The following D2HGDH variants were observed in gnomAD, a reference collection of about 807,000 sequenced individuals.
The protein encoded by D2HGDH is D-2-hydroxyglutarate dehydrogenase, mitochondrial.
In D2HGDH, 31 loss-of-function variants were observed where a neutral mutation model predicts 46.9. The ratio of observed to expected loss-of-function variants is 0.66; its 90% CI spans 0.50 to 0.89. The LOEUF (loss-of-function observed/expected upper bound fraction) is 0.89. Among genes scored for constraint, D2HGDH ranks in the 40% least tolerant of loss-of-function variants. D2HGDH has a pLI of 0.00. For synonymous variants in D2HGDH, 364 were observed against 332.6 expected, an observed-to-expected ratio of 1.09 and a Z score of -1.03; for missense variants, 698 against 720.8, an observed-to-expected ratio of 0.97 and a Z score of 0.36.
intron 9 of D2HGDH, among the ~76,000 whole-genome samples, chr2:241,759,365 T>C (rs1368592936): frequency 1.3e-5 from 2 of 152,202 alleles, no homozygotes; most frequent in Non-Finnish European, 2.9e-5. Context: ...ATGAGGTTCG[T>C]CTCTTTGTTT....
chr2:241,761,123 A>G (rs1559398419), intron 9 of D2HGDH, among the ~76,000 whole-genome samples: 3 of 152,330 alleles, frequency 2.0e-5, no homozygotes, highest in Admixed American at 2.0e-4. Flanking sequence ...ACATCTGCAG[A>G]TTCAACCATA....
rs1364091234 is a variant in D2HGDH at position 241,743,539 on chromosome 2, C to T, written c.491-83C>T. 3 of 1,500,606 alleles carry T rather than the reference C, an allele frequency of 2.0e-6. No individual in the cohort carries two copies. The highest frequency in any genetic ancestry group is 2.7e-6 in the Non-Finnish European group (3 of 1,105,618). The allele number at this position is 1,500,606 out of a possible 1,614,324, so 93.0% of individuals were successfully genotyped here. A position where few individuals can be genotyped will look rare whatever the true frequency, so the allele number is the denominator to read the frequency against. On this transcript the variant is annotated intron_variant, in intron 4 of 9. Coordinates refer to ENST00000321264, the MANE Select transcript of D2HGDH (RefSeq NM_152783.5). The surrounding 1 kb of genome is among the most constrained non-coding windows in gnomAD (Gnocchi z 4.8). ...CTGATGTTCCTTCTGGGTGGCTTGC[C>T]TGTGCAAGATGGGGGTTGGGACTCA...
At chr2:241,735,111 A>C in intron 1 of D2HGDH, 22 bp from the exon 2 acceptor site, 2 of 1,156,058 alleles carry the variant, frequency 1.7e-6, no homozygotes, top group Non-Finnish European at 2.3e-6. Context: ...TAAAACATGA[A>C]ATTACCCTTG....
intron 8 of D2HGDH, chr2:241,754,831 G>A (rs1320040912): frequency 2.8e-6 from 1 of 359,082 alleles, no homozygotes; most frequent in Non-Finnish European, 5.1e-6. Context: ...TGAAACTCCT[G>A]GGCTCAAGTG....
intron 8 of D2HGDH, chr2:241,755,413 T>C: frequency 7.7e-7 from 1 of 1,306,724 alleles, no homozygotes. Flanking sequence ...TCCAGGCCCA[T>C]TCTCATCCTC....
intron 1 of D2HGDH, 61 bp downstream of exon 1, chr2:241,734,756 G>C (rs1038920832): frequency 6.4e-6 from 1 of 155,574 alleles, no homozygotes; most frequent in African/African-American, 2.4e-5. Context: ...GTTCAGCCGC[G>C]GGTCGGGGTG....
chr2:241,755,974 C>T lies in D2HGDH; in HGVS notation c.1266C>T (p.Leu422=), dbSNP rs750097168. ...TCGTGACTGACCTGCGCGCCCGCCT[C>T]GGCCCGCACGCCAAGCACGTGGTGG... The part of the protein sequence containing the change: ...YDIVTDLRAR[L]GPHAKHVVGY... The change falls in exon 9 of 10, where the codon CTC becomes CTT. Residue 422 remains leucine (L), a synonymous_variant. Coordinates refer to ENST00000321264, the MANE Select transcript of D2HGDH (RefSeq NM_152783.5). 26 of 1,604,490 alleles carry T rather than the reference C, an allele frequency of 1.6e-5. No individual in the cohort carries two copies. The highest frequency in any genetic ancestry group is 9.0e-5 in the East Asian group (4 of 44,568).
At chr2:241,762,655 C>A (rs1287856176) in intron 9 of D2HGDH, among the ~76,000 whole-genome samples, 1 of 152,144 alleles carries the variant, frequency 6.6e-6, no homozygotes, top group East Asian at 1.9e-4. Flanking sequence ...AGGGTCCCGC[C>A]TCTCAGGTTT....
chr2:241,763,395 G>C (rs1450234770), intron 9 of D2HGDH, among the ~76,000 whole-genome samples: 1 of 152,126 alleles, frequency 6.6e-6, no homozygotes, highest in Non-Finnish European at 1.5e-5. Context: ...TCCTAGAAAA[G>C]GGACCGTAAA....
At chr2:241,762,481 G>A (rs1188658774) in intron 9 of D2HGDH, among the ~76,000 whole-genome samples, 1 of 152,182 alleles carries the variant, frequency 6.6e-6, no homozygotes, top group Non-Finnish European at 1.5e-5. Context: ...CCTGCCTGTT[G>A]GCCGGGTGAG....
chr2:241,748,772 C>A lies in D2HGDH; in HGVS notation c.854-1379C>A, dbSNP rs369460112. 3 of 1,084,700 alleles carry A rather than the reference C, an allele frequency of 2.8e-6. No individual in the cohort carries two copies. The South Asian group carries it at 6.2e-5, about 23-fold the overall frequency. The allele number at this position is 1,084,700 out of a possible 1,614,324, so 67.2% of individuals were successfully genotyped here. On this transcript the variant is annotated intron_variant, in intron 6 of 9. Transcript: ENST00000321264. ...CTGGGGCAGCCTTGACTGCTTCTGCCGACTTACTCTCTGGGCGGCAGTGCC... is the reference window on the plus strand; with the variant it reads ...CTGGGGCAGCCTTGACTGCTTCTGCAGACTTACTCTCTGGGCGGCAGTGCC...
intron 9 of D2HGDH, among the ~76,000 whole-genome samples, chr2:241,763,626 G>A (rs541818275): frequency 6.6e-6 from 1 of 152,246 alleles, no homozygotes; most frequent in East Asian, 1.9e-4. Context: ...TGGTGACATC[G>A]TCATTAAGGT....
rs1367379284 is a variant in D2HGDH, at chr2:241,747,561, T to TTTA, written c.854-2590_854-2589insTTA. On this transcript the variant is annotated intron_variant, in intron 6 of 9. Coordinates refer to ENST00000321264, the MANE Select transcript of D2HGDH (RefSeq NM_152783.5). ...TCAGGAGAGTGTTTTTTTTTTTTTT[T>TTTA]ACATTATTCTTCTGTATTTTTTTGA... Among the ~76,000 whole-genome samples, 5 of 151,040 alleles carry TTTA rather than the reference T, an allele frequency of 3.3e-5. No individual in the cohort carries two copies. The East Asian group carries it at 9.7e-4, about 29-fold the overall frequency.
At chr2:241,753,595 G>A (rs926145538) in intron 8 of D2HGDH, among the ~76,000 whole-genome samples, 2 of 152,212 alleles carry the variant, frequency 1.3e-5, no homozygotes, top group African/African-American at 4.8e-5. Flanking sequence ...AGCCGCTGCC[G>A]CGGGGGCCCT....
chr2:241,764,144 G>C (rs1028567951), intron 9 of D2HGDH, among the ~76,000 whole-genome samples: 1 of 149,840 alleles, frequency 6.7e-6, no homozygotes, highest in African/African-American at 2.5e-5. Context: ...GATGTGTTCA[G>C]CCCTCTCTGG....
rs575648074 is a variant in D2HGDH at position 241,760,950 on chromosome 2, A to G, written c.1306+4936A>G. ...TCTCTCTCTGTTTGTTTCTCTAAAT[A>G]TGTATAATCTCACTCTTGCTCGCAC... is the stretch of plus-strand genomic sequence containing the variant. On this transcript the variant is annotated intron_variant, in intron 9 of 9. Coordinates refer to ENST00000321264, the MANE Select transcript of D2HGDH (RefSeq NM_152783.5). Among the ~76,000 whole-genome samples, 4 of 152,232 alleles carry G rather than the reference A, an allele frequency of 2.6e-5. No individual in the cohort carries two copies. The East Asian group carries it at 7.7e-4, about 29-fold the overall frequency.
At chr2:241,736,895 G>A (rs1189046903) in intron 2 of D2HGDH, among the ~76,000 whole-genome samples, 14 of 151,692 alleles carry the variant, frequency 9.2e-5, no homozygotes, top group Non-Finnish European at 1.2e-4. Flanking sequence ...TCCTGACTTC[G>A]GGTGATCCAC....
At chr2:241,749,221 C>T in intron 6 of D2HGDH, 1 of 1,059,944 alleles carries the variant, frequency 9.4e-7, no homozygotes, top group Non-Finnish European at 1.2e-6. Context: ...CACCCCAGCC[C>T]TCTACGCGTC....
chr2:241,736,986 TGAGACGGAGTC>T (rs1165404537), intron 2 of D2HGDH, among the ~76,000 whole-genome samples: 1 of 151,592 alleles, frequency 6.6e-6, no homozygotes, highest in East Asian at 1.9e-4. Context: ...TTTGTTTTTT[TGAGACGGAGTC>T]TCGCTCTGTT....
Sources: allele counts gnomAD v4.1 joint callset (sites outside exome capture counted in the v4.1 genomes callset), GRCh38; gene constraint gnomAD v4.1.1; non-coding constraint Gnocchi (gnomAD v3.1); transcripts MANE v1.5; gene names NCBI Gene and HGNC (gene_info 2026-07-23, HGNC 2026-07-21).